Variants in CFAP47 observed in about 807,000 individuals in gnomAD.
CFAP47 encodes the protein cilia- and flagella-associated protein 47.
CFAP47 carries 29 observed loss-of-function variants against 148.1 expected under a neutral mutation model. The observed-to-expected ratio is 0.20, with a 90% CI of 0.15 to 0.27. The LOEUF is 0.27. Ranked by LOEUF, CFAP47 falls within the 10% of genes least tolerant of loss-of-function variation. The pLI, the probability that CFAP47 is intolerant of heterozygous loss-of-function variation, is 1.00. For synonymous variants in CFAP47, 664 were observed against 577.3 expected, an observed-to-expected ratio of 1.15 and a Z score of -2.15; for missense variants, 1,872 against 1,697.5, an observed-to-expected ratio of 1.10 and a Z score of -1.81.
intron 39 of CFAP47, among the ~76,000 whole-genome samples, chrX:36,178,499 A>G (rs1002487127): frequency 7.2e-5 from 8 of 111,313 alleles, no homozygotes; most frequent in Non-Finnish European, 1.5e-4. Context: ...TATCAAGACA[A>G]AAACTTTTGA....
chrX:35,960,690 G>T (rs912241878), intron 8 of CFAP47, among the ~76,000 whole-genome samples: 1 of 111,406 alleles, frequency 9.0e-6, no homozygotes. Context: ...GTGCATATAA[G>T]TGCATTTGTT....
At chrX:35,981,707 G>C (rs939099522) in intron 15 of CFAP47, among the ~76,000 whole-genome samples, 1 of 110,822 alleles carries the variant, frequency 9.0e-6, no homozygotes, top group African/African-American at 3.3e-5. Context: ...CGCAAAGTCT[G>C]TTGTCCCCTT....
intron 42 of CFAP47, among the ~76,000 whole-genome samples, chrX:36,194,482 G>A (rs1555986960): frequency 9.0e-6 from 1 of 111,535 alleles, no homozygotes; most frequent in East Asian, 2.8e-4. Context: ...CCAATTTTCT[G>A]TATTACTTCA....
chrX:36,036,864 T>C (rs145915726), intron 24 of CFAP47, among the ~76,000 whole-genome samples: 1,830 of 111,912 alleles, frequency 0.016, 45 homozygotes, highest in African/African-American at 0.057. Flanking sequence ...TTGCATTAAG[T>C]TGATGTTCTA....
intron 21 of CFAP47, among the ~76,000 whole-genome samples, chrX:36,008,414 GA>G: frequency 9.0e-6 from 1 of 110,957 alleles, no homozygotes; most frequent in Middle Eastern, 4.7e-3. Flanking sequence ...GTCTAGAAGT[GA>G]TCCTTTCTGG....
chrX:36,144,659 T>C (rs1301687291), intron 35 of CFAP47: 1 of 1,026,443 alleles, frequency 9.7e-7, no homozygotes, highest in Non-Finnish European at 1.3e-6. Context: ...TCCGATTGGC[T>C]GTGGCAGTGG....
intron 7 of CFAP47, among the ~76,000 whole-genome samples, chrX:35,954,151 G>A (rs181042045): frequency 9.0e-6 from 1 of 110,995 alleles, no homozygotes; most frequent in Non-Finnish European, 1.9e-5. Flanking sequence ...AGTTAGTAGG[G>A]TACAGGACAG....
chrX:35,997,525 A>C (rs1362674275), intron 19 of CFAP47, 136 bp downstream of exon 19: 1 of 225,380 alleles, frequency 4.4e-6, no homozygotes. Flanking sequence ...TACAAAGTTA[A>C]AAATTAATAA....
intron 39 of CFAP47, among the ~76,000 whole-genome samples, chrX:36,163,455 C>CT (rs1015302102): frequency 4.6e-5 from 5 of 109,136 alleles, no homozygotes; most frequent in East Asian, 5.8e-4. Flanking sequence ...TTAGATGTCT[C>CT]TTTTTTTTCT....
chrX:36,077,686 G>A (rs1937891682), intron 29 of CFAP47, among the ~76,000 whole-genome samples: 1 of 111,081 alleles, frequency 9.0e-6, no homozygotes, highest in Non-Finnish European at 1.9e-5. Flanking sequence ...CAAAAACATT[G>A]TTAAGAGGAA....
chrX:35,981,022 A>G (rs1418944526), intron 15 of CFAP47, among the ~76,000 whole-genome samples: 1 of 110,723 alleles, frequency 9.0e-6, no homozygotes, highest in Non-Finnish European at 1.9e-5. Context: ...AAAATTACAT[A>G]AAGAAATAGC....
intron 49 of CFAP47, among the ~76,000 whole-genome samples, chrX:36,268,756 A>G (rs979005301): frequency 1.8e-5 from 2 of 112,105 alleles, no homozygotes; most frequent in Admixed American, 1.9e-4. Context: ...TGAAAATGTG[A>G]TTTGGCAGGT....
chrX:35,933,145 T>G (rs1884304373), intron 2 of CFAP47, among the ~76,000 whole-genome samples: 1 of 111,767 alleles, frequency 8.9e-6, no homozygotes, highest in South Asian at 3.8e-4. Flanking sequence ...GTTGTGATAG[T>G]AAATACTAGG....
chrX:36,284,983 G>A (rs968377429), intron 50 of CFAP47, among the ~76,000 whole-genome samples: 6 of 111,338 alleles, frequency 5.4e-5, no homozygotes, highest in African/African-American at 2.0e-4. Flanking sequence ...CCTGGTTGAT[G>A]AGGATTCCAG....
At chrX:35,931,232 G>A (rs1048225708) in intron 2 of CFAP47, among the ~76,000 whole-genome samples, 11 of 110,925 alleles carry the variant, frequency 9.9e-5, no homozygotes, top group Non-Finnish European at 2.1e-4. Context: ...ATTTATGATC[G>A]TTATTCCTTT....
intron 39 of CFAP47, among the ~76,000 whole-genome samples, chrX:36,175,153 A>T (rs1224600244): frequency 1.8e-5 from 2 of 110,413 alleles, no homozygotes; most frequent in Non-Finnish European, 3.8e-5. Context: ...CAGCTCCATC[A>T]GCTCCTTTAA....
At chrX:36,289,108 C>T (rs1556005174) in intron 51 of CFAP47, among the ~76,000 whole-genome samples, 1 of 101,438 alleles carries the variant, frequency 9.9e-6, no homozygotes, top group Admixed American at 1.1e-4. Context: ...TCAAGCGATT[C>T]TCCTGCCTCG....
intron 32 of CFAP47, among the ~76,000 whole-genome samples, chrX:36,103,502 A>G (rs866519489): frequency 1.1e-4 from 6 of 53,673 alleles, no homozygotes; most frequent in Middle Eastern, 7.9e-3. Flanking sequence ...CATATGCCAG[A>G]AAAAAAAAAA....
At chrX:36,244,911 G>C (rs1666832358) in intron 48 of CFAP47, among the ~76,000 whole-genome samples, 2 of 110,831 alleles carry the variant, frequency 1.8e-5, no homozygotes, top group Admixed American at 1.9e-4. Context: ...AACAAAAAAG[G>C]ATAACTTGAG....
Sources: allele counts gnomAD v4.1 joint callset (sites outside exome capture counted in the v4.1 genomes callset), GRCh38; gene constraint gnomAD v4.1.1; transcripts MANE v1.5; gene names NCBI Gene and HGNC (gene_info 2026-07-23, HGNC 2026-07-21).